Variants in ZNF81 observed in about 807,000 individuals in gnomAD.
ZNF81 encodes the protein zinc finger protein 81.
In ZNF81, 5 loss-of-function variants were observed where a neutral mutation model predicts 32.3. That is an observed-to-expected ratio of 0.15 (90% CI 0.08 to 0.33). The LOEUF (loss-of-function observed/expected upper bound fraction) is 0.33. ZNF81 is among the 10% of genes least tolerant of loss of function. The pLI, the probability that ZNF81 is intolerant of heterozygous loss-of-function variation, is 1.00. For synonymous variants in ZNF81, 163 were observed against 166.8 expected (o/e 0.98, Z 0.17); for missense variants, 379 against 479.8 (o/e 0.79, Z 1.96).
chrX:47,838,459 C>CT (rs1399916909), intron 1 of ZNF81, among the ~76,000 whole-genome samples: 4 of 111,240 alleles, frequency 3.6e-5, no homozygotes, highest in African/African-American at 1.3e-4. Flanking sequence ...TTTGGACCCT[C>CT]TTTTTTGGTT....
At chrX:47,903,028 C>A (rs1032777968) in intron 4 of ZNF81, among the ~76,000 whole-genome samples, 1 of 111,992 alleles carries the variant, frequency 8.9e-6, no homozygotes, top group African/African-American at 3.3e-5. Flanking sequence ...GCTAAGAACT[C>A]TCAATAAATT....
intron 3 of ZNF81, among the ~76,000 whole-genome samples, chrX:47,895,152 CTA>C (rs2058675324): frequency 1.8e-5 from 2 of 110,962 alleles, no homozygotes; most frequent in African/African-American, 6.6e-5. Context: ...TCCCCCAAAA[CTA>C]TGTGGAAATC....
Position 47,846,279 on chromosome X carries a change from C to T in ZNF81, c.12C>T (p.Asn4=), listed in dbSNP as rs376023206. 14 of 1,207,582 alleles carry T rather than the reference C, an allele frequency of 1.2e-5. No homozygotes were observed. Among genetic ancestry groups the T allele is most frequent in the African/African-American group, 5.2e-5 (3 of 57,252 alleles). The change falls in exon 2 of 5, where the codon AAC becomes AAT. Residue 4 remains asparagine (N), a synonymous_variant. Coordinates refer to ENST00000338637, the MANE Select transcript of ZNF81 (RefSeq NM_007137.5). MPA[N]EDAPQPGEHG... ...AGTCCGTCGGGAACATGCCAGCTAA[C>T]GAGGACGCTCCCCAGCCAGGGGAAC...
In ZNF81 at chrX:47,921,968, TAC is replaced by T. The variant is rs1352653018; in HGVS notation, c.*5340_*5341del. 5.4e-5 allele frequency: 6 copies of T among 111,739 alleles called. No homozygotes were observed. Among genetic ancestry groups the T allele is most frequent in the African/African-American group, 2.0e-4 (6 of 30,740 alleles). 9.2% of individuals were successfully genotyped at this position (111,739 alleles called of 1,213,427 possible). On this transcript the variant is annotated 3_prime_UTR_variant, in exon 5 of 5. Transcript: ENST00000338637. ...GTTGCTAAATTTTAGGGTAATTTGTTACACAGTAATAGGTTAATAATACACTG... is the reference window on the plus strand; with the variant it reads ...GTTGCTAAATTTTAGGGTAATTTGTTACAGTAATAGGTTAATAATACACTG...
intron 4 of ZNF81, among the ~76,000 whole-genome samples, chrX:47,911,958 G>T (rs1435127434): frequency 8.1e-5 from 9 of 110,625 alleles, no homozygotes; most frequent in African/African-American, 3.0e-4. Flanking sequence ...GGACTCTTTT[G>T]AGGCATCTTT....
chrX:47,898,888 T>A (rs2058689069), intron 4 of ZNF81, among the ~76,000 whole-genome samples: 1 of 111,939 alleles, frequency 8.9e-6, no homozygotes, highest in Admixed American at 9.5e-5. Flanking sequence ...TAAAGTTTTT[T>A]AAATTTTATT....
At chrX:47,842,047 C>T (rs1446714894) in intron 1 of ZNF81, among the ~76,000 whole-genome samples, 2 of 111,781 alleles carry the variant, frequency 1.8e-5, no homozygotes, top group Admixed American at 1.9e-4. Context: ...ATTTTAATTT[C>T]CCTTGGGACT....
At chrX:47,843,431 C>CCA in intron 1 of ZNF81, among the ~76,000 whole-genome samples, 1 of 46,655 alleles carries the variant, frequency 2.1e-5, no homozygotes, top group Admixed American at 2.8e-4. Flanking sequence ...ATTCCTATAT[C>CCA]TACACACACA....
At position 47,888,036 on chromosome X, in the gene ZNF81, G is replaced by A. The variant is rs200928080; in HGVS notation, c.92G>A (p.Ser31Asn). ...VSFEDVTVDFSREEWQQLDST... is the reference protein window; with the variant it reads ...VSFEDVTVDFNREEWQQLDST... ...TTTGAGGATGTGACTGTGGACTTCA[G>A]TAGAGAGGAGTGGCAGCAACTGGAC... The change falls in exon 3 of 5, where the codon AGT (serine) becomes AAT (asparagine). Residue 31 changes from serine to asparagine, a missense_variant. This residue lies in a region of ZNF81 where 277 missense variants were observed against 306.6 expected (regional missense o/e 0.90). Coordinates refer to ENST00000338637, the MANE Select transcript of ZNF81 (RefSeq NM_007137.5). 18 of 1,208,924 alleles carry A rather than the reference G, an allele frequency of 1.5e-5. 1 individual carries two copies. In the African/African-American group the frequency reaches 2.3e-4, roughly 15 times the overall value.
intron 3 of ZNF81, among the ~76,000 whole-genome samples, chrX:47,893,340 G>A (rs1488500975): frequency 9.0e-6 from 1 of 110,796 alleles, no homozygotes; most frequent in African/African-American, 3.3e-5. Flanking sequence ...AGAGGTTTTG[G>A]AGGAGACAGT....
intron 3 of ZNF81, among the ~76,000 whole-genome samples, chrX:47,893,886 C>T (rs1556886815): frequency 9.0e-6 from 1 of 110,812 alleles, no homozygotes; most frequent in East Asian, 2.8e-4. Flanking sequence ...TCAATGGGTC[C>T]CCAATCAGTC....
At chrX:47,841,081 G>A in intron 1 of ZNF81, 3 of 857,750 alleles carry the variant, frequency 3.5e-6, no homozygotes, top group African/African-American at 2.0e-5. Flanking sequence ...CAGGTGGAAA[G>A]GGCTCAAGAA....
At chrX:47,891,695 T>C (rs1247443817) in intron 3 of ZNF81, among the ~76,000 whole-genome samples, 3 of 112,119 alleles carry the variant, frequency 2.7e-5, no homozygotes, top group Non-Finnish European at 3.8e-5. Context: ...TAAAACTCCA[T>C]TAACCACTAC....
chrX:47,912,585 T>C (rs1249471314), intron 4 of ZNF81, among the ~76,000 whole-genome samples: 2 of 108,210 alleles, frequency 1.8e-5, no homozygotes, highest in Non-Finnish European at 3.8e-5. Flanking sequence ...TAGTAAGGAA[T>C]TGTATTTCCC....
intron 2 of ZNF81, among the ~76,000 whole-genome samples, chrX:47,874,957 A>G (rs1556884370): frequency 9.0e-6 from 1 of 111,419 alleles, no homozygotes; most frequent in African/African-American, 3.3e-5. Context: ...AACCTCACAC[A>G]GGGCAGATAA....
chrX:47,864,849 C>G (rs145435541), intron 2 of ZNF81, among the ~76,000 whole-genome samples: 285 of 112,591 alleles, frequency 2.5e-3, no homozygotes, highest in Non-Finnish European at 4.2e-3. Context: ...TGATCTCAGT[C>G]TGTAGTCTTC....
intron 1 of ZNF81, among the ~76,000 whole-genome samples, chrX:47,837,277 T>C (rs1408316982): frequency 8.9e-6 from 1 of 112,231 alleles, no homozygotes; most frequent in African/African-American, 3.2e-5. Context: ...CTTAGTTTTC[T>C]GTGTTAGAAA....
At chrX:47,857,101 T>C (rs1212902434) in intron 2 of ZNF81, among the ~76,000 whole-genome samples, 1 of 111,783 alleles carries the variant, frequency 8.9e-6, no homozygotes, top group Admixed American at 9.5e-5. Flanking sequence ...GGTATGAAAG[T>C]AGATGGTTCT....
intron 1 of ZNF81, among the ~76,000 whole-genome samples, chrX:47,844,559 T>C (rs1417784993): frequency 1.8e-5 from 2 of 112,694 alleles, no homozygotes; most frequent in Non-Finnish European, 3.8e-5. Flanking sequence ...AAATTTTGTT[T>C]ATCCATTCAT....
Sources: allele counts gnomAD v4.1 joint callset (sites outside exome capture counted in the v4.1 genomes callset), GRCh38; gene constraint gnomAD v4.1.1; regional missense constraint gnomAD v4.1.1; transcripts MANE v1.5; gene names NCBI Gene and HGNC (gene_info 2026-07-23, HGNC 2026-07-21).